ZNF365: variants seen among roughly 807,000 people sequenced by gnomAD.
ZNF365 encodes the protein zinc finger protein 365.
A neutral mutation model predicts 35.0 loss-of-function variants in ZNF365; 22 were observed. The ratio of observed to expected loss-of-function variants is 0.63; its 90% CI spans 0.45 to 0.90. The LOEUF is 0.90. ZNF365 is among the 40% of genes least tolerant of loss of function. The pLI, the probability that ZNF365 is intolerant of heterozygous loss-of-function variation, is 0.00. For synonymous variants in ZNF365, 188 were observed against 196.2 expected, an observed-to-expected ratio of 0.96 and a Z score of 0.35; for missense variants, 448 against 500.3, an observed-to-expected ratio of 0.90 and a Z score of 1.00.
At chr10:62,479,744 A>G in intron 4 of ZNF365, 2 of 668,478 alleles carry the variant, frequency 3.0e-6, no homozygotes, top group South Asian at 1.8e-5. Flanking sequence ...TTGGCAGCAC[A>G]TAAGTGAAGA....
intron 3 of ZNF365, among the ~76,000 whole-genome samples, chr10:62,420,005 C>T (rs1185309992): frequency 6.6e-6 from 1 of 151,840 alleles, no homozygotes; most frequent in East Asian, 1.9e-4. Context: ...GATGTTTTCT[C>T]CTTTATTGAA....
chr10:62,480,123 T>C, exon 5 of ZNF365: 1 of 1,338,294 alleles, frequency 7.5e-7, no homozygotes, highest in Non-Finnish European at 9.6e-7. Flanking sequence ...GCAGACTTCC[T>C]GAGGGCACAG....
chr10:62,377,036 A>T, intron 2 of ZNF365, 100 bp downstream of exon 2: 1 of 1,450,376 alleles, frequency 6.9e-7, no homozygotes. Context: ...TGCTATTTGC[A>T]GGTGCCTTGA....
At chr10:62,421,271 G>A (rs531533735) in intron 3 of ZNF365, among the ~76,000 whole-genome samples, 10 of 152,224 alleles carry the variant, frequency 6.6e-5, no homozygotes, top group South Asian at 4.2e-4. Context: ...ATGAAAGATC[G>A]TACAACACTG....
At chr10:62,412,645 C>A (rs1276958795) in intron 3 of ZNF365, among the ~76,000 whole-genome samples, 1 of 152,028 alleles carries the variant, frequency 6.6e-6, no homozygotes, top group Non-Finnish European at 1.5e-5. Flanking sequence ...AACAGGCAAG[C>A]AGAGAGCCAA....
intron 3 of ZNF365, among the ~76,000 whole-genome samples, chr10:62,415,082 C>G (rs1840052173): frequency 1.1e-5 from 1 of 89,022 alleles, no homozygotes; most frequent in South Asian, 4.5e-4. Context: ...AAGTATTTTC[C>G]TTATTTTTTT....
At chr10:62,377,243 C>T (rs1839353303) in intron 2 of ZNF365, among the ~76,000 whole-genome samples, 1 of 152,130 alleles carries the variant, frequency 6.6e-6, no homozygotes, top group South Asian at 2.1e-4. Context: ...CCATTCCTAG[C>T]ACCAAATGGC....
chr10:62,470,990 ATTT>A (rs11297672), intron 4 of ZNF365, among the ~76,000 whole-genome samples: 8 of 146,480 alleles, frequency 5.5e-5, no homozygotes, highest in African/African-American at 1.2e-4. Flanking sequence ...TTGTTCATGC[ATTT>A]TTTTTTTTTA....
chr10:62,440,939 A>T (rs913076678), intron 3 of ZNF365, among the ~76,000 whole-genome samples: 1 of 152,198 alleles, frequency 6.6e-6, no homozygotes, highest in African/African-American at 2.4e-5. Context: ...TTATGTGATG[A>T]GGCAAATATT....
chr10:62,460,453 A>G (rs540612474), intron 4 of ZNF365, among the ~76,000 whole-genome samples: 2 of 152,374 alleles, frequency 1.3e-5, no homozygotes, highest in Admixed American at 1.3e-4. Context: ...TAATAATAAA[A>G]TAGAACAATT....
At chr10:62,419,316 TG>T (rs1465333238) in intron 3 of ZNF365, among the ~76,000 whole-genome samples, 1 of 152,068 alleles carries the variant, frequency 6.6e-6, no homozygotes, top group East Asian at 1.9e-4. Flanking sequence ...CATTTGCATA[TG>T]TAAAAACTGC....
chr10:62,415,449 G>C (rs989151611), intron 3 of ZNF365, among the ~76,000 whole-genome samples: 6 of 152,038 alleles, frequency 3.9e-5, no homozygotes, highest in Non-Finnish European at 7.4e-5. Flanking sequence ...TTGTTTCTTA[G>C]GGTTTTCAGC....
intron 3 of ZNF365, among the ~76,000 whole-genome samples, chr10:62,452,610 G>A (rs1416505139): frequency 6.6e-6 from 1 of 152,216 alleles, no homozygotes; most frequent in African/African-American, 2.4e-5. Flanking sequence ...CAAAACTCAT[G>A]TTACTATATT....
At chr10:62,378,044 T>C (rs573616676) in intron 2 of ZNF365, among the ~76,000 whole-genome samples, 7 of 152,352 alleles carry the variant, frequency 4.6e-5, no homozygotes, top group Middle Eastern at 3.4e-3. Flanking sequence ...GCCTAGACAT[T>C]TTTTGTTCAG....
intron 4 of ZNF365, among the ~76,000 whole-genome samples, chr10:62,472,584 AG>A: frequency 6.6e-6 from 1 of 152,324 alleles, no homozygotes; most frequent in East Asian, 1.9e-4. Context: ...CCTGTGACAG[AG>A]CCTTTCCTAG....
chr10:62,402,090 C>T lies in ZNF365; in HGVS notation c.*2301C>T. On this transcript the variant is annotated 3_prime_UTR_variant, in exon 5 of 5. Transcript: ENST00000395254. ...GCTAAGTACCATGTCCTGTTTGTGT[C>T]TTATTTTTAAATATTTTCTTTGTCC... 3 of 985,834 alleles carry T rather than the reference C, an allele frequency of 3.0e-6. No homozygotes were observed. Among genetic ancestry groups the T allele is most frequent in the Non-Finnish European group, 3.6e-6 (3 of 829,920 alleles). The allele number at this position is 985,834 out of a possible 1,614,324, so 61.1% of individuals were successfully genotyped here.
At chr10:62,443,907 A>G (rs923703275) in intron 3 of ZNF365, among the ~76,000 whole-genome samples, 2 of 152,332 alleles carry the variant, frequency 1.3e-5, no homozygotes, top group African/African-American at 2.4e-5. Flanking sequence ...TAAATATGCA[A>G]TGATTACAGT....
At chr10:62,440,488 A>C (rs184933292) in intron 3 of ZNF365, among the ~76,000 whole-genome samples, 114 of 152,166 alleles carry the variant, frequency 7.5e-4, no homozygotes, top group African/African-American at 2.7e-3. Context: ...TTTTTCTTCT[A>C]TCTTTATGTC....
chr10:62,398,840 C>T, intron 4 of ZNF365, 63 bp downstream of exon 4: 1 of 1,466,526 alleles, frequency 6.8e-7, no homozygotes, highest in Non-Finnish European at 9.4e-7. Flanking sequence ...TTTCCTGTTG[C>T]ATTTTATATG....
Sources: allele counts gnomAD v4.1 joint callset (sites outside exome capture counted in the v4.1 genomes callset), GRCh38; gene constraint gnomAD v4.1.1; transcripts MANE v1.5; gene names NCBI Gene and HGNC (gene_info 2026-07-23, HGNC 2026-07-21).